Variants in SEPTIN9 observed in about 807,000 individuals in gnomAD.
The protein encoded by SEPTIN9 is septin 9, also known as septin-9.
A neutral mutation model predicts 56.6 loss-of-function variants in SEPTIN9; 13 were observed. That is an observed-to-expected ratio of 0.23 (90% CI 0.15 to 0.37). The LOEUF (loss-of-function observed/expected upper bound fraction) is 0.37. Ranked by LOEUF, SEPTIN9 falls within the 10% of genes least tolerant of loss-of-function variation. SEPTIN9 has a pLI of 1.00. For synonymous variants in SEPTIN9, 332 were observed against 334.1 expected (o/e 0.99, Z 0.07); for missense variants, 650 against 823.1 (o/e 0.79, Z 2.57).
At chr17:77,455,842 G>A (rs557563707) in intron 3 of SEPTIN9, among the ~76,000 whole-genome samples, 55 of 152,312 alleles carry the variant, frequency 3.6e-4, no homozygotes, top group East Asian at 2.7e-3. Context: ...GTTTCTGTGA[G>A]GCTATCCCGA....
In SEPTIN9 at chr17:77,303,847, T is replaced by C. The variant is rs1041368187; in HGVS notation, c.20-3294T>C. Among the ~76,000 whole-genome samples the C allele has an allele frequency of 1.3e-5, 2 of 152,046 alleles. 1 individual carries two copies. The highest frequency in any genetic ancestry group is 3.9e-4 in the East Asian group (2 of 5,174). ...GAAGCTGAGACTCAGGAAATGGAAGTCATCTCCCAGGGCCCACAGCAAGGG... is the reference window on the plus strand; with the variant it reads ...GAAGCTGAGACTCAGGAAATGGAAGCCATCTCCCAGGGCCCACAGCAAGGG... On this transcript the variant is annotated intron_variant, in intron 1 of 11. Transcript: ENST00000427177.
intron 2 of SEPTIN9, among the ~76,000 whole-genome samples, chr17:77,338,812 C>A (rs1274436557): frequency 1.3e-5 from 2 of 152,168 alleles, no homozygotes; most frequent in Non-Finnish European, 2.9e-5. Context: ...AGCATCTTAC[C>A]CACAATAGAG....
In SEPTIN9 at chr17:77,440,701, C is replaced by T. The variant is rs138508388; in HGVS notation, c.721+37998C>T. ...GACGCGTGATCATCCGCTGGGCGCC[C>T]GCACAGTGCCGTCTGCACAGGTGCC... is the stretch of plus-strand genomic sequence containing the variant. On this transcript the variant is annotated intron_variant, in intron 3 of 11. Transcript: ENST00000427177. Among the ~76,000 whole-genome samples, 593 of 152,344 alleles carry T rather than the reference C, an allele frequency of 3.9e-3. 6 individuals are homozygous for T. Among genetic ancestry groups the T allele is most frequent in the African/African-American group, 0.014 (565 of 41,574 alleles).
chr17:77,337,451 T>C (rs1456286829), intron 2 of SEPTIN9, among the ~76,000 whole-genome samples: 1 of 152,218 alleles, frequency 6.6e-6, no homozygotes, highest in East Asian at 1.9e-4. Context: ...GATATTGGTG[T>C]GGTATTTTCT....
At chr17:77,284,482 C>G (rs892798806) in intron 1 of SEPTIN9, among the ~76,000 whole-genome samples, 1 of 152,206 alleles carries the variant, frequency 6.6e-6, no homozygotes, top group African/African-American at 2.4e-5. Context: ...GCAGTGTGGT[C>G]CAGTGGTTAC....
rs751584162 is a variant in SEPTIN9, at chr17:77,475,201, T to G, written c.722-6943T>G. The stretch of plus-strand genomic sequence containing the variant: ...GGTGTCTGGCTTCACAAACCCTGTG[T>G]GGGGGGGTTGTGGTGAGAGGAAACC... On this transcript the variant is annotated intron_variant, in intron 3 of 11. Coordinates refer to ENST00000427177, the MANE Select transcript of SEPTIN9 (RefSeq NM_001113491.2). The surrounding 1 kb of genome is among the most constrained non-coding windows in gnomAD (Gnocchi z 4.6). 2.2e-5 allele frequency: 27 copies of G among 1,201,656 alleles called. No homozygotes were observed. The highest frequency in any genetic ancestry group is 2.5e-5 in the South Asian group (1 of 39,630). The allele number at this position is 1,201,656 out of a possible 1,614,324, so 74.4% of individuals were successfully genotyped here.
rs374375851 is a variant in SEPTIN9, at chr17:77,475,645, G to A, written c.722-6499G>A. 5.1e-5 allele frequency: 82 copies of A among 1,613,740 alleles called. No homozygotes were observed. Among genetic ancestry groups the A allele is most frequent in the Non-Finnish European group, 6.1e-5 (72 of 1,179,894 alleles). On this transcript the variant is annotated intron_variant, in intron 3 of 11. Transcript: ENST00000427177. This position sits in a 1 kb window ranked among gnomAD's most constrained non-coding sequence, Gnocchi z 4.6. ...GCTGGAGGCTGCTCCAGTGTGCATT[G>A]TTACGAGGCAAAGTAAGGAGACTGC... is the stretch of plus-strand genomic sequence containing the variant.
intron 1 of SEPTIN9, among the ~76,000 whole-genome samples, chr17:77,290,259 C>CT (rs368699907): frequency 0.17 from 23,431 of 135,204 alleles, 2,535 homozygotes; most frequent in African/African-American, 0.3. Context: ...AAAATAAATT[C>CT]TTTTTTTTTT....
chr17:77,487,768 C>G lies in SEPTIN9; in HGVS notation c.1042+216C>G, dbSNP rs111922105. On this transcript the variant is annotated intron_variant, in intron 5 of 11. Transcript: ENST00000427177. This position sits in a 1 kb window ranked among gnomAD's most constrained non-coding sequence, Gnocchi z 4.3. Reference sequence around the variant, plus strand: ...GGGGATGCAGGACGCCCCTGCCTTCCTGGAGCACAGGGGTTGGGGGTCAAG... The same window carrying G: ...GGGGATGCAGGACGCCCCTGCCTTCGTGGAGCACAGGGGTTGGGGGTCAAG... 6.7e-6 allele frequency among the ~76,000 whole-genome samples: 1 copy of G among 148,342 alleles called. No homozygotes were observed. Among genetic ancestry groups the G allele is most frequent in the Non-Finnish European group, 1.5e-5 (1 of 67,228 alleles).
intron 2 of SEPTIN9, among the ~76,000 whole-genome samples, chr17:77,361,954 C>T (rs1156307451): frequency 6.6e-6 from 1 of 152,200 alleles, no homozygotes; most frequent in East Asian, 1.9e-4. Context: ...TTCTCAGCTG[C>T]CGGGTCTTGC....
intron 2 of SEPTIN9, among the ~76,000 whole-genome samples, chr17:77,362,934 C>T (rs2034460622): frequency 6.6e-6 from 1 of 152,316 alleles, no homozygotes; most frequent in East Asian, 1.9e-4. Context: ...AGGGGCCCAC[C>T]AGGCAGAGGG....
intron 2 of SEPTIN9, among the ~76,000 whole-genome samples, chr17:77,390,154 G>C (rs2035482524): frequency 6.6e-6 from 1 of 151,786 alleles, no homozygotes; most frequent in African/African-American, 2.4e-5. Context: ...CTGTGGTCCT[G>C]GTTCTGCTCT....
Position 77,320,290 on chromosome 17 carries a change from GCCGGGACT to G in SEPTIN9, c.76+13096_76+13103del, listed in dbSNP as rs759896493. ...AGGGGAGGCCGCCTCTGAGCGGGAC[GCCGGGACT>G]CCCGCCGCTGCTAAATATATCCGTA... On this transcript the variant is annotated intron_variant, in intron 2 of 11. Transcript: ENST00000427177. The G allele has an allele frequency of 1.9e-6, 3 of 1,611,914 alleles. No individual in the cohort carries two copies. The South Asian group carries it at 3.3e-5, about 18-fold the overall frequency.
chr17:77,290,384 C>A (rs2031485542), intron 1 of SEPTIN9, among the ~76,000 whole-genome samples: 1 of 151,690 alleles, frequency 6.6e-6, no homozygotes, highest in African/African-American at 2.4e-5. Flanking sequence ...CAGCATCCCG[C>A]ATAGCTGGGA....
At chr17:77,321,676 C>G (rs1419827048) in intron 2 of SEPTIN9, among the ~76,000 whole-genome samples, 2 of 152,214 alleles carry the variant, frequency 1.3e-5, no homozygotes, top group African/African-American at 4.8e-5. Flanking sequence ...GCGTGAGCCA[C>G]GGCGCCCGGC....
Position 77,425,749 on chromosome 17 carries a change from A to C in SEPTIN9, c.721+23046A>C, listed in dbSNP as rs1254479653. On this transcript the variant is annotated intron_variant, in intron 3 of 11. Transcript: ENST00000427177. The surrounding 1 kb of genome is among the most constrained non-coding windows in gnomAD (Gnocchi z 4.2). ...AGAGGAAGCTGCCCCCCGCTCATCT[A>C]CCCCCCAACCCTCCCAGCCAGCAGA... Among the ~76,000 whole-genome samples the C allele has an allele frequency of 1.1e-4, 15 of 139,600 alleles. No individual in the cohort carries two copies. The highest frequency in any genetic ancestry group is 1.6e-4 in the Non-Finnish European group (10 of 64,348). The allele number at this position is 139,600 out of a possible 152,430, so 91.6% of individuals were successfully genotyped here. A position where few individuals can be genotyped will look rare whatever the true frequency, so the allele number is the denominator to read the frequency against.
intron 2 of SEPTIN9, among the ~76,000 whole-genome samples, chr17:77,385,775 G>A (rs1018452292): frequency 7.9e-5 from 12 of 152,146 alleles, no homozygotes; most frequent in Non-Finnish European, 1.5e-4. Context: ...TGCCAGCACT[G>A]CTTGCTTCTG....
At chr17:77,410,873 C>T (rs1372265890) in intron 3 of SEPTIN9, among the ~76,000 whole-genome samples, 1 of 152,190 alleles carries the variant, frequency 6.6e-6, no homozygotes, top group Non-Finnish European at 1.5e-5. Flanking sequence ...AGAAGCCCTG[C>T]TCTGTGTTCT....
In SEPTIN9 at chr17:77,348,305, T is replaced by A. The variant is rs1294401819; in HGVS notation, c.76+41108T>A. Among the ~76,000 whole-genome samples, 485 of 145,064 alleles carry A rather than the reference T, an allele frequency of 3.3e-3. 5 individuals are homozygous for A. Among genetic ancestry groups the A allele is most frequent in the African/African-American group, 0.012 (457 of 39,590 alleles). ...CTATTTTAATTTATGTTTTTTTTTTTTTTTTTTTTTTAAGACAGAGTCTCA... is the reference window on the plus strand; with the variant it reads ...CTATTTTAATTTATGTTTTTTTTTTATTTTTTTTTTTAAGACAGAGTCTCA... On this transcript the variant is annotated intron_variant, in intron 2 of 11. Transcript: ENST00000427177.
Sources: gnomAD v4.1 joint callset for allele counts (sites outside exome capture counted in the v4.1 genomes callset) on GRCh38, gnomAD v4.1.1 for gene constraint, Gnocchi (gnomAD v3.1) non-coding constraint, MANE v1.5 for transcripts, NCBI Gene and HGNC (gene_info 2026-07-23, HGNC 2026-07-21) for gene names.